The following VPS26C variants were observed in gnomAD, a reference collection of about 807,000 sequenced individuals.
VPS26C encodes the protein vacuolar protein sorting-associated protein 26C.
A neutral mutation model predicts 30.6 loss-of-function variants in VPS26C; 19 were observed. The ratio of observed to expected loss-of-function variants is 0.62; its 90% CI spans 0.43 to 0.91. The LOEUF is 0.91. VPS26C is among the 40% of genes least tolerant of loss of function. The pLI is 0.00. For missense variants in VPS26C, 318 were observed against 385.1 expected, an observed-to-expected ratio of 0.83 and a Z score of 1.46; for synonymous variants, 132 against 151.5, an observed-to-expected ratio of 0.87 and a Z score of 0.95.
chr21:37,244,574 ACT>A (rs748519937), intron 1 of VPS26C, among the ~76,000 whole-genome samples: 1 of 151,674 alleles, frequency 6.6e-6, no homozygotes, highest in Non-Finnish European at 1.5e-5. Context: ...AAACTATACA[ACT>A]CTTTTTCTTA....
In VPS26C at chr21:37,257,146, C is replaced by A. The variant is rs143212286; in HGVS notation, c.57+10092G>T. On this transcript the variant is annotated intron_variant, in intron 1 of 7. Coordinates refer to ENST00000309117, the MANE Select transcript of VPS26C (RefSeq NM_006052.2). The surrounding 1 kb of genome is among the most constrained non-coding windows in gnomAD (Gnocchi z 4.2). ...GGCTCTGTCTCAAAAAAACAAAACACAAAAAAACAAACAAAAAAAAGCAAA... is the reference window on the plus strand; with the variant it reads ...GGCTCTGTCTCAAAAAAACAAAACAAAAAAAAACAAACAAAAAAAAGCAAA... 4.9e-4 allele frequency among the ~76,000 whole-genome samples: 75 copies of A among 151,894 alleles called. No homozygotes were observed. The highest frequency in any genetic ancestry group is 1.6e-3 in the African/African-American group (66 of 41,428).
Position 37,238,465 on chromosome 21 carries a change from T to A in VPS26C, c.346A>T (p.Ile116Phe). The A allele has an allele frequency of 6.2e-7, 1 of 1,614,004 alleles. No individual in the cohort carries two copies. Among genetic ancestry groups the A allele is most frequent in the South Asian group, 1.1e-5 (1 of 91,052 alleles). ...TAGGACTAGGAAGCTCTCACCTGAA[T>A]GTTGACAAACACGCCATGATACGTC... ...YETYHGVFVN[I>F]QYTLRCDMKR... Residue 116 changes from isoleucine (I) to phenylalanine (F), a missense_variant, in exon 3 of 8, where the codon ATT becomes TTT. Ile to Phe is a conservative substitution (Grantham distance 21). Transcript: ENST00000309117.
intron 7 of VPS26C, 75 bp downstream of exon 7, chr21:37,227,579 T>G: frequency 1.3e-6 from 2 of 1,552,078 alleles, no homozygotes; most frequent in Non-Finnish European, 1.8e-6. Context: ...CTGAGCTCTG[T>G]GACCCACAGC....
chr21:37,228,573 A>G (rs963388261), intron 5 of VPS26C, 200 bp from the exon 6 acceptor site: 9 of 559,120 alleles, frequency 1.6e-5, no homozygotes, highest in South Asian at 1.4e-4. Context: ...GACTCTCTAC[A>G]TATGGCACCT....
chr21:37,245,490 G>A (rs545958718), intron 1 of VPS26C, among the ~76,000 whole-genome samples: 19 of 152,148 alleles, frequency 1.2e-4, no homozygotes, highest in South Asian at 6.2e-4. Context: ...ACTCGGTTCC[G>A]TGAGCCCACA....
rs76051901 is a variant in VPS26C at position 37,245,079 on chromosome 21, T to C, written c.58-4440A>G. ...TTAGAACACTCCAGCCAGCCTGGTCTAGGAATAAATTCATCTCCTGCAAGG... is the reference window on the plus strand; with the variant it reads ...TTAGAACACTCCAGCCAGCCTGGTCCAGGAATAAATTCATCTCCTGCAAGG... On this transcript the variant is annotated intron_variant, in intron 1 of 7. Coordinates refer to ENST00000309117, the MANE Select transcript of VPS26C (RefSeq NM_006052.2). 7.1e-4 allele frequency among the ~76,000 whole-genome samples: 108 copies of C among 152,278 alleles called. 1 individual carries two copies. The East Asian group carries it at 0.017, about 23-fold the overall frequency.
chr21:37,261,317 C>A (rs148690743), intron 1 of VPS26C: 8 of 152,226 alleles, frequency 5.3e-5, no homozygotes, highest in African/African-American at 1.7e-4. Context: ...GTTGCCTGTC[C>A]TTTTAAGGTA....
intron 1 of VPS26C, among the ~76,000 whole-genome samples, chr21:37,250,601 C>T (rs1432911344): frequency 7.4e-6 from 1 of 134,568 alleles, no homozygotes; most frequent in East Asian, 2.2e-4. Context: ...TTTAAGAATG[C>T]CTAAAAGAAA....
chr21:37,257,822 G>A lies in VPS26C; in HGVS notation c.57+9416C>T, dbSNP rs2086259514. ...GGGACCGGCGGAAAGGAAAGTCGGC[G>A]TTAGCTGGATTGGAAACAGTCCAGA... On this transcript the variant is annotated intron_variant, in intron 1 of 7. Transcript: ENST00000309117. This position sits in a 1 kb window ranked among gnomAD's most constrained non-coding sequence, Gnocchi z 4.2. Among the ~76,000 whole-genome samples, 1 of 152,194 alleles carries A rather than the reference G, an allele frequency of 6.6e-6. No individual in the cohort carries two copies. Among genetic ancestry groups the A allele is most frequent in the Non-Finnish European group, 1.5e-5 (1 of 68,032 alleles).
In VPS26C at chr21:37,233,286, T is replaced by C. The variant is rs1336033981; in HGVS notation, c.432+76A>G. On this transcript the variant is annotated intron_variant, in intron 4 of 7. Transcript: ENST00000309117. The surrounding 1 kb of genome is among the most constrained non-coding windows in gnomAD (Gnocchi z 5.2). Reference sequence around the variant, plus strand: ...AACAGTAAGAGGCTAAATGGTGAGCTTGTAAATAGGGTAAACTCTCAGACC... The same window carrying C: ...AACAGTAAGAGGCTAAATGGTGAGCCTGTAAATAGGGTAAACTCTCAGACC... The C allele has an allele frequency of 2.3e-5, 30 of 1,298,910 alleles. No individual in the cohort carries two copies. Among genetic ancestry groups the C allele is most frequent in the South Asian group, 7.1e-5 (6 of 84,000 alleles). 80.5% of individuals were successfully genotyped at this position (1,298,910 alleles called of 1,614,324 possible). A position where few individuals can be genotyped will look rare whatever the true frequency, so the allele number is the denominator to read the frequency against.
chr21:37,257,524 C>CA lies in VPS26C; in HGVS notation c.57+9713dup, dbSNP rs1363144280. ...CTGGGTTGGGGTGGGGGTGTAGCCA[C>CA]ATGCAGTAAAAGCACTGCCTGTCTG... On this transcript the variant is annotated intron_variant, in intron 1 of 7. Transcript: ENST00000309117. The surrounding 1 kb of genome is among the most constrained non-coding windows in gnomAD (Gnocchi z 4.2). 6.6e-6 allele frequency among the ~76,000 whole-genome samples: 1 copy of CA among 152,194 alleles called. No individual in the cohort carries two copies.
chr21:37,228,483 C>T (rs1254050748), intron 5 of VPS26C, 110 bp from the exon 6 acceptor site: 1 of 1,184,092 alleles, frequency 8.4e-7, no homozygotes, highest in Non-Finnish European at 1.2e-6. Flanking sequence ...GTTACACAGT[C>T]CACCGGGACC....
At chr21:37,232,256 C>T in intron 5 of VPS26C, 121 bp downstream of exon 5, 1 of 797,520 alleles carries the variant, frequency 1.3e-6, no homozygotes, top group Non-Finnish European at 2.1e-6. Context: ...TGGGTACAAT[C>T]AGAAATCTCT....
chr21:37,266,846 A>C lies in VPS26C; in HGVS notation c.57+392T>G, dbSNP rs2086367492. On this transcript the variant is annotated intron_variant, in intron 1 of 7. Coordinates refer to ENST00000309117, the MANE Select transcript of VPS26C (RefSeq NM_006052.2). ...TTTCGTTCATTAGACCTTTGCGGTC[A>C]CCTTAGGAGAGAGGGAAAGGGGAGT... 8.2e-5 allele frequency: 21 copies of C among 256,292 alleles called. No homozygotes were observed. In the South Asian group the frequency reaches 1.2e-3, roughly 15 times the overall value. The allele number at this position is 256,292 out of a possible 1,614,324, so 15.9% of individuals were successfully genotyped here. A position where few individuals can be genotyped will look rare whatever the true frequency, so the allele number is the denominator to read the frequency against.
Position 37,228,360 on chromosome 21 carries a change from G to C in VPS26C, c.521C>G (p.Pro174Arg), listed in dbSNP as rs994222275. ...GAGATGTCCTCGAAGGAGAAATTTG[G>C]GAAGCAAAGCTCTCTAAAACAAAAT... ...LQNVKERALL[P>R]KFLLRGHLNS... The change falls in exon 6 of 8, where the codon CCC becomes CGC. Residue 174 changes from proline to arginine, a missense_variant. By Grantham distance (103) the Pro-to-Arg change is moderately radical. Transcript: ENST00000309117. 4 of 1,613,970 alleles carry C rather than the reference G, an allele frequency of 2.5e-6. No homozygotes were observed. In the African/African-American group the frequency reaches 4.0e-5, roughly 16 times the overall value.
At chr21:37,262,615 G>A (rs536178786) in intron 1 of VPS26C, among the ~76,000 whole-genome samples, 144 of 152,160 alleles carry the variant, frequency 9.5e-4, no homozygotes, top group Admixed American at 2.5e-3. Flanking sequence ...CCAAGATAAA[G>A]GTACATTATT....
At chr21:37,267,702 G>T (rs1029228525), upstream of VPS26C, 5 of 266,476 alleles carry the variant, frequency 1.9e-5, no homozygotes, top group African/African-American at 1.1e-4. Context: ...GTCGGTTGCA[G>T]CCTGCGCAGG....
chr21:37,234,898 G>A (rs963022262), intron 3 of VPS26C, among the ~76,000 whole-genome samples: 6 of 151,816 alleles, frequency 4.0e-5, no homozygotes, highest in Admixed American at 6.6e-5. Context: ...GCTGAAGTGC[G>A]GTGGCGTGAT....
In VPS26C at chr21:37,246,003, T is replaced by C. The variant is rs566507214; in HGVS notation, c.58-5364A>G. ...AAAATCCAAATAAATTAAATGAAAATTTAAGAAAGAATTCAAAAAGAACCA... is the reference window on the plus strand; with the variant it reads ...AAAATCCAAATAAATTAAATGAAAACTTAAGAAAGAATTCAAAAAGAACCA... On this transcript the variant is annotated intron_variant, in intron 1 of 7. Coordinates refer to ENST00000309117, the MANE Select transcript of VPS26C (RefSeq NM_006052.2). 2.0e-5 allele frequency among the ~76,000 whole-genome samples: 3 copies of C among 151,876 alleles called. No individual in the cohort carries two copies. In the South Asian group the frequency reaches 6.2e-4, roughly 32 times the overall value.
Sources: allele counts gnomAD v4.1 joint callset (sites outside exome capture counted in the v4.1 genomes callset), GRCh38; gene constraint gnomAD v4.1.1; non-coding constraint Gnocchi (gnomAD v3.1); transcripts MANE v1.5; gene names NCBI Gene and HGNC (gene_info 2026-07-23, HGNC 2026-07-21).